The following SMDT1 variants were observed in gnomAD, a reference collection of about 807,000 sequenced individuals.
SMDT1 encodes essential MCU regulator, mitochondrial.
Under a neutral mutation model 5.9 loss-of-function variants are expected in SMDT1, and 6 were observed. The ratio of observed to expected loss-of-function variants is 1.03; its 90% CI spans 0.56 to 2.02. SMDT1 has a LOEUF of 2.02. Among genes scored for constraint, SMDT1 ranks in the 30% most tolerant of loss-of-function variants. The pLI, the probability that SMDT1 is intolerant of heterozygous loss-of-function variation, is 0.00. For synonymous variants in SMDT1, 81 were observed against 62.4 expected, an observed-to-expected ratio of 1.30 and a Z score of -1.40; for missense variants, 159 against 145.6, an observed-to-expected ratio of 1.09 and a Z score of -0.47.
At chr22:42,082,697 A>C (rs891864485) in intron 2 of SMDT1, among the ~76,000 whole-genome samples, 1 of 152,086 alleles carries the variant, frequency 6.6e-6, no homozygotes, top group Non-Finnish European at 1.5e-5. Context: ...CCCACCCCCA[A>C]ACATTGGCTC....
At chr22:42,080,288 G>C (rs1394724558) in intron 1 of SMDT1, among the ~76,000 whole-genome samples, 1 of 152,176 alleles carries the variant, frequency 6.6e-6, no homozygotes, top group Non-Finnish European at 1.5e-5. Flanking sequence ...CTGTCTCCTA[G>C]TTTATGGGAT....
At position 42,079,855 on chromosome 22, in the gene SMDT1, C is replaced by T; in HGVS notation, c.87C>T (p.Gly29=). The change falls in exon 1 of 3, where the codon GGC becomes GGT. Residue 29 remains glycine, a synonymous_variant. Coordinates refer to ENST00000331479, the MANE Select transcript of SMDT1 (RefSeq NM_033318.5). The part of the protein sequence containing the change: ...LRSGPSLRKD[G]DVSAAWSGSG... ...GCGGGCCTAGCTTGAGGAAAGATGG[C>T]GATGTCTCCGCCGCATGGAGCGGCT... The T allele has an allele frequency of 6.2e-7, 1 of 1,614,102 alleles. No homozygotes were observed. The highest frequency in any genetic ancestry group is 8.5e-7 in the Non-Finnish European group (1 of 1,180,020).
At position 42,081,951 on chromosome 22, in the gene SMDT1, C is replaced by T; in HGVS notation, c.213C>T (p.Phe71=). 1 of 1,614,158 alleles carries T rather than the reference C, an allele frequency of 6.2e-7. No homozygotes were observed. Among genetic ancestry groups the T allele is most frequent in the East Asian group, 2.2e-5 (1 of 44,884 alleles). ...TGTCCTTCGGCCTTCTCCGTGTGTT[C>T]TCCATTGTGATCCCCTTTCTCTATG... The part of the protein sequence containing the change: ...VKMSFGLLRV[F]SIVIPFLYVG... Residue 71 remains phenylalanine (F), a synonymous_variant, in exon 2 of 3, where the codon TTC becomes TTT. Transcript: ENST00000331479.
rs576344035 is a variant in SMDT1, at chr22:42,082,387, G to A, written c.*3+322G>A. Among the ~76,000 whole-genome samples the A allele has an allele frequency of 3.3e-5, 5 of 152,258 alleles. No homozygotes were observed. In the South Asian group the frequency reaches 1.0e-3, roughly 32 times the overall value. ...TGGCTAATTTTGTATTTTTAGTAGA[G>A]ACGGGGTTTCTCCATGTTAGCCAGG... On this transcript the variant is annotated intron_variant, in intron 2 of 2. Transcript: ENST00000331479.
At chr22:42,081,652 G>A (rs1230534373) in intron 1 of SMDT1, among the ~76,000 whole-genome samples, 1 of 151,214 alleles carries the variant, frequency 6.6e-6, no homozygotes, top group East Asian at 1.9e-4. Flanking sequence ...AGTAGAGACG[G>A]GATTTCACCA....
rs1404337507 is a variant in SMDT1 at position 42,083,531 on chromosome 22, C to T, written c.*416C>T. 6.6e-6 allele frequency: 1 copy of T among 152,240 alleles called. No individual in the cohort carries two copies. Among genetic ancestry groups the T allele is most frequent in the East Asian group, 1.9e-4 (1 of 5,184 alleles). The allele number at this position is 152,240 out of a possible 1,614,324, so 9.4% of individuals were successfully genotyped here. ...GAACTATTTTCATTGTTTACAAAAG[C>T]CCAACAGAAACTGTGCATTTTCCCT... On this transcript the variant is annotated 3_prime_UTR_variant, in exon 3 of 3. Coordinates refer to ENST00000331479, the MANE Select transcript of SMDT1 (RefSeq NM_033318.5).
chr22:42,082,204 GT>G, intron 2 of SMDT1, 139 bp downstream of exon 2: 1 of 1,136,844 alleles, frequency 8.8e-7, no homozygotes, highest in South Asian at 1.5e-5. Context: ...TAATGTTTTC[GT>G]TTGTTTGTTT....
chr22:42,083,421 C>G lies in SMDT1; in HGVS notation c.*306C>G, dbSNP rs1363880282. 6.6e-6 allele frequency: 1 copy of G among 152,270 alleles called. No homozygotes were observed. The highest frequency in any genetic ancestry group is 1.5e-5 in the Non-Finnish European group (1 of 68,052). 9.4% of individuals were successfully genotyped at this position (152,270 alleles called of 1,614,324 possible). On this transcript the variant is annotated 3_prime_UTR_variant, in exon 3 of 3. Coordinates refer to ENST00000331479, the MANE Select transcript of SMDT1 (RefSeq NM_033318.5). ...TAGGTTCTAGTTGGTGCAGTTGTCTCTGCTGTCCTTTATTTATGGGAGAAA... is the reference window on the plus strand; with the variant it reads ...TAGGTTCTAGTTGGTGCAGTTGTCTGTGCTGTCCTTTATTTATGGGAGAAA...
At chr22:42,082,497 AG>A (rs1479405449) in intron 2 of SMDT1, among the ~76,000 whole-genome samples, 1 of 152,304 alleles carries the variant, frequency 6.6e-6, no homozygotes, top group East Asian at 1.9e-4. Flanking sequence ...CACTGCGCCC[AG>A]CCAACTTCAT....
Position 42,083,687 on chromosome 22 carries a change from G to A in SMDT1, c.*572G>A, listed in dbSNP as rs1927955547. The A allele has an allele frequency of 6.6e-6, 1 of 152,102 alleles. No individual in the cohort carries two copies. The allele number at this position is 152,102 out of a possible 1,614,324, so 9.4% of individuals were successfully genotyped here. A position where few individuals can be genotyped will look rare whatever the true frequency, so the allele number is the denominator to read the frequency against. On this transcript the variant is annotated 3_prime_UTR_variant, in exon 3 of 3. Transcript: ENST00000331479. ...TCAAAACTCGGGTTCTGTGATATGA[G>A]GATATAGATAGGTTTTCATCTATTT... is the stretch of plus-strand genomic sequence containing the variant.
chr22:42,083,097 C>T (rs541514302), intron 2 of SMDT1, 22 bp from the exon 3 acceptor site: 1 of 152,720 alleles, frequency 6.5e-6, no homozygotes, highest in South Asian at 2.1e-4. Flanking sequence ...GCCCAGTTCA[C>T]TGCTGCTTTC....
Position 42,079,725 on chromosome 22 carries a change from G to C in SMDT1, c.-44G>C, listed in dbSNP as rs2146859049. ...CTTCCCGAGGGCGGCACGAGGGCTG[G>C]GCGGTGGGGTGCGGGTGCCCGGGTG... On this transcript the variant is annotated 5_prime_UTR_variant, in exon 1 of 3. Transcript: ENST00000331479. 6.4e-7 allele frequency: 1 copy of C among 1,573,544 alleles called. No homozygotes were observed. Among genetic ancestry groups the C allele is most frequent in the Middle Eastern group, 1.9e-4 (1 of 5,160 alleles).
Position 42,083,807 on chromosome 22 carries a change from TCTC to T in SMDT1, c.*695_*697del, listed in dbSNP as rs1040521573. On this transcript the variant is annotated 3_prime_UTR_variant, in exon 3 of 3. Coordinates refer to ENST00000331479, the MANE Select transcript of SMDT1 (RefSeq NM_033318.5). ...AAACAGCAGGCTGTTTCTCAGATCT[TCTC>T]CTGACCTCCTTTCACCTGCTGCTTT... 34 of 152,274 alleles carry T rather than the reference TCTC, an allele frequency of 2.2e-4. No homozygotes were observed. Among genetic ancestry groups the T allele is most frequent in the African/African-American group, 7.5e-4 (31 of 41,546 alleles). The allele number at this position is 152,274 out of a possible 1,614,324, so 9.4% of individuals were successfully genotyped here. A position where few individuals can be genotyped will look rare whatever the true frequency, so the allele number is the denominator to read the frequency against.
intron 1 of SMDT1, among the ~76,000 whole-genome samples, chr22:42,080,750 A>C (rs6002592): frequency 0.35 from 53,076 of 152,108 alleles, 9,494 homozygotes; most frequent in Middle Eastern, 0.5. Context: ...GCCTTATCAA[A>C]ACAGTTGAAA....
In SMDT1 at chr22:42,079,834, G is replaced by A; in HGVS notation, c.66G>A (p.Gly22=). 1 of 1,613,870 alleles carries A rather than the reference G, an allele frequency of 6.2e-7. No homozygotes were observed. The highest frequency in any genetic ancestry group is 8.5e-7 in the Non-Finnish European group (1 of 1,180,006). Residue 22 remains glycine, a synonymous_variant, in exon 1 of 3, where the codon GGG becomes GGA. Coordinates refer to ENST00000331479, the MANE Select transcript of SMDT1 (RefSeq NM_033318.5). The part of the protein sequence containing the change: ...APVRSGALRS[G]PSLRKDGDVS... ...TCAGGTCCGGGGCTCTCCGGAGCGG[G>A]CCTAGCTTGAGGAAAGATGGCGATG...
At position 42,079,898 on chromosome 22, in the gene SMDT1, C is replaced by T. The variant is rs1569461590; in HGVS notation, c.130C>T (p.Pro44Ser). The change falls in exon 1 of 3, where the codon CCG (proline) becomes TCG (serine). Residue 44 changes from proline to serine, a missense_variant. Transcript: ENST00000331479. ...AWSGSGRSLV[P>S]SRSVIVTRSG... ...GAGCGGCTCAGGCCGGAGCCTGGTA[C>T]CGTCGAGGTCAGTCATCGTTACCCG... 1.2e-6 allele frequency: 2 copies of T among 1,614,014 alleles called. No homozygotes were observed. Among genetic ancestry groups the T allele is most frequent in the Non-Finnish European group, 1.7e-6 (2 of 1,179,948 alleles).
rs555809195 is a variant in SMDT1, at chr22:42,083,768, C to T, written c.*653C>T. The T allele has an allele frequency of 1.3e-5, 2 of 152,306 alleles. No homozygotes were observed. Among genetic ancestry groups the T allele is most frequent in the African/African-American group, 2.4e-5 (1 of 41,570 alleles). The allele number at this position is 152,306 out of a possible 1,614,324, so 9.4% of individuals were successfully genotyped here. On this transcript the variant is annotated 3_prime_UTR_variant, in exon 3 of 3. Transcript: ENST00000331479. ...TAGGCTTTTGTTATAATGTTGGGCACTTCGGGCCTCAGAAAACAGCAGGCT... is the reference window on the plus strand; with the variant it reads ...TAGGCTTTTGTTATAATGTTGGGCATTTCGGGCCTCAGAAAACAGCAGGCT...
At chr22:42,081,606 G>GCGCA (rs1927788983) in intron 1 of SMDT1, among the ~76,000 whole-genome samples, 1 of 151,814 alleles carries the variant, frequency 6.6e-6, no homozygotes, top group Non-Finnish European at 1.5e-5. Context: ...GATTACAGGT[G>GCGCA]CGCACCACCA....
intron 1 of SMDT1, 111 bp downstream of exon 1, chr22:42,080,065 A>G (rs1012087936): frequency 8.2e-7 from 1 of 1,225,528 alleles, no homozygotes. Context: ...CGATTACCGT[A>G]GACTGGAAGG....
Sources: gnomAD v4.1 joint callset for allele counts (sites outside exome capture counted in the v4.1 genomes callset) on GRCh38, gnomAD v4.1.1 for gene constraint, MANE v1.5 for transcripts, NCBI Gene and HGNC (gene_info 2026-07-23, HGNC 2026-07-21) for gene names.